ELAPOR1: variants seen among roughly 807,000 people sequenced by gnomAD.
The protein encoded by ELAPOR1 is endosome-lysosome associated apoptosis and autophagy regulator 1, also known as endosome/lysosome-associated apoptosis and autophagy regulator 1.
A neutral mutation model predicts 119.7 loss-of-function variants in ELAPOR1; 77 were observed. That is an observed-to-expected ratio of 0.64 (90% CI 0.54 to 0.78). ELAPOR1 has a LOEUF of 0.78. Ranked by LOEUF, ELAPOR1 falls within the 30% of genes least tolerant of loss-of-function variation. ELAPOR1 has a pLI of 0.00. For synonymous variants in ELAPOR1, 481 were observed against 487.2 expected (o/e 0.99, Z 0.17); for missense variants, 1,115 against 1,270.4 (o/e 0.88, Z 1.86).
At position 109,203,018 on chromosome 1, in the gene ELAPOR1, A is replaced by G; in HGVS notation, c.*6A>G. ...GCCTAGACATGGACCTGTGAGAGGC[A>G]CTGCCTGCCTCACCTGCCTCCTCAC... is the stretch of plus-strand genomic sequence containing the variant. On this transcript the variant is annotated 3_prime_UTR_variant, in exon 22 of 22. Coordinates refer to ENST00000369939, the MANE Select transcript of ELAPOR1 (RefSeq NM_020775.5). 1 of 1,601,638 alleles carries G rather than the reference A, an allele frequency of 6.2e-7. No homozygotes were observed.
intron 1 of ELAPOR1, chr1:109,161,681 C>T (rs1651268645): frequency 2.3e-6 from 1 of 436,744 alleles, no homozygotes. Context: ...AAAATGATTT[C>T]TAGGGACTAG....
chr1:109,130,721 C>T (rs1279700922), intron 1 of ELAPOR1, among the ~76,000 whole-genome samples: 1 of 152,062 alleles, frequency 6.6e-6, no homozygotes, highest in Non-Finnish European at 1.5e-5. Context: ...TCTCCTTTGG[C>T]CCAATAATGG....
chr1:109,121,896 C>T (rs759457167), intron 1 of ELAPOR1, among the ~76,000 whole-genome samples: 1 of 151,706 alleles, frequency 6.6e-6, no homozygotes, highest in Non-Finnish European at 1.5e-5. Context: ...GCCTCAGCCT[C>T]CTGAGTAGCT....
intron 1 of ELAPOR1, among the ~76,000 whole-genome samples, chr1:109,144,812 T>C (rs2101006661): frequency 6.6e-6 from 1 of 152,312 alleles, no homozygotes. Context: ...TTTCCCATTT[T>C]CTCCTAGATA....
At chr1:109,174,977 AGTGCT>A (rs1423380539) in intron 7 of ELAPOR1, among the ~76,000 whole-genome samples, 1 of 151,552 alleles carries the variant, frequency 6.6e-6, no homozygotes, top group Non-Finnish European at 1.5e-5. Flanking sequence ...AGCCTCCCAA[AGTGCT>A]GGGATTATAG....
intron 17 of ELAPOR1, 66 bp from the exon 18 acceptor site, chr1:109,198,507 C>A: frequency 7.0e-7 from 1 of 1,422,682 alleles, no homozygotes. Context: ...GCGGATTTCT[C>A]TTGGTGGCTG....
chr1:109,136,525 T>C (rs1649482421), intron 1 of ELAPOR1, among the ~76,000 whole-genome samples: 3 of 152,184 alleles, frequency 2.0e-5, no homozygotes, highest in African/African-American at 4.8e-5. Flanking sequence ...ACCCAGTCTG[T>C]GGCACTTTGT....
chr1:109,164,704 A>T lies in ELAPOR1; in HGVS notation c.467+13A>T, dbSNP rs373988606. The T allele has an allele frequency of 1.2e-5, 19 of 1,604,060 alleles. No homozygotes were observed. The African/African-American group carries it at 1.9e-4, about 16-fold the overall frequency. ...GGAACTGTACTTCGTGAGTCTGCAC[A>T]CACCCCCACCCCACCCCCAGCCCAC... On this transcript the variant is annotated intron_variant, in intron 3 of 21. Coordinates refer to ENST00000369939, the MANE Select transcript of ELAPOR1 (RefSeq NM_020775.5).
chr1:109,158,097 A>G (rs1343259869), intron 1 of ELAPOR1, among the ~76,000 whole-genome samples: 1 of 152,180 alleles, frequency 6.6e-6, no homozygotes, highest in Non-Finnish European at 1.5e-5. Context: ...CATGATGGCC[A>G]GGCTGGTCTC....
rs1463987276 is a variant in ELAPOR1 at position 109,173,795 on chromosome 1, G to A, written c.910G>A (p.Gly304Arg). 1.2e-6 allele frequency: 2 copies of A among 1,614,016 alleles called. No homozygotes were observed. Among genetic ancestry groups the A allele is most frequent in the African/African-American group, 2.7e-5 (2 of 74,904 alleles). The change falls in exon 7 of 22, where the codon GGA becomes AGA. Residue 304 changes from glycine (G) to arginine (R), a missense_variant. Transcript: ENST00000369939. Reference sequence around the variant, plus strand: ...CCCAGCCAACTCTTATTCAAATAAAGGAGAAACTTCTTGCCACCAGTGTGA... The same window carrying A: ...CCCAGCCAACTCTTATTCAAATAAAAGAGAAACTTCTTGCCACCAGTGTGA... The part of the protein sequence containing the change: ...LCPANSYSNK[G>R]ETSCHQCDPD...
chr1:109,161,782 C>T (rs1174208042), intron 1 of ELAPOR1, 112 bp from the exon 2 acceptor site: 2 of 1,340,540 alleles, frequency 1.5e-6, no homozygotes, highest in Non-Finnish European at 2.1e-6. Flanking sequence ...GTCCCAGGGC[C>T]CATTTCTGAG....
chr1:109,187,432 A>G (rs1400819651), intron 8 of ELAPOR1: 1 of 992,448 alleles, frequency 1.0e-6, no homozygotes, highest in African/African-American at 1.7e-5. Flanking sequence ...CTTGAAAAAT[A>G]TGGACAGAGG....
At chr1:109,190,651 T>A (rs1201182601) in intron 11 of ELAPOR1, among the ~76,000 whole-genome samples, 1 of 152,190 alleles carries the variant, frequency 6.6e-6, no homozygotes, top group Non-Finnish European at 1.5e-5. Context: ...GTGAGCAAAC[T>A]TTTTAGGCTT....
In ELAPOR1 at chr1:109,197,563, C is replaced by T. The variant is rs779305473; in HGVS notation, c.2211C>T (p.Tyr737=). ...ESGFSKSITA[Y]VCQAVIIPPE... ...GGTTCTCCAAATCTATCACAGCCTA[C>T]GTCTGCCAGGCAGTCATCATCCCCC... Residue 737 remains tyrosine (Y), a synonymous_variant, in exon 16 of 22, where the codon TAC becomes TAT. Coordinates refer to ENST00000369939, the MANE Select transcript of ELAPOR1 (RefSeq NM_020775.5). The T allele has an allele frequency of 8.7e-6, 14 of 1,614,060 alleles. No homozygotes were observed. Among genetic ancestry groups the T allele is most frequent in the Admixed American group, 3.3e-5 (2 of 60,008 alleles).
chr1:109,122,751 G>T (rs1648527029), intron 1 of ELAPOR1, among the ~76,000 whole-genome samples: 1 of 152,078 alleles, frequency 6.6e-6, no homozygotes. Flanking sequence ...GAGCTCAGGG[G>T]TTTGAGACCA....
At chr1:109,169,735 A>C (rs895807011) in intron 3 of ELAPOR1, among the ~76,000 whole-genome samples, 1 of 152,200 alleles carries the variant, frequency 6.6e-6, no homozygotes, top group Non-Finnish European at 1.5e-5. Context: ...CTCTTCCCTC[A>C]CATAATATTG....
chr1:109,194,484 T>A lies in ELAPOR1; in HGVS notation c.2011T>A (p.Tyr671Asn). ...SRNTPTRTFN[Y>N]NFSALANTVT... ...CAACACTCCGACCAGGACTTTCAAC[T>A]ACAACTTCTCCGCTTTGGCAAACAC... The change falls in exon 15 of 22, where the codon TAC becomes AAC. Residue 671 changes from tyrosine to asparagine, a missense_variant. Physicochemically the swap from Tyr to Asn is moderately radical, Grantham distance 143. Coordinates refer to ENST00000369939, the MANE Select transcript of ELAPOR1 (RefSeq NM_020775.5). The A allele has an allele frequency of 6.2e-7, 1 of 1,613,780 alleles. No individual in the cohort carries two copies.
chr1:109,148,620 C>G (rs1159934391), intron 1 of ELAPOR1, among the ~76,000 whole-genome samples: 1 of 152,170 alleles, frequency 6.6e-6, no homozygotes, highest in Non-Finnish European at 1.5e-5. Flanking sequence ...GTCTGTTGAA[C>G]TGGTTCTCCA....
intron 3 of ELAPOR1, among the ~76,000 whole-genome samples, chr1:109,165,748 C>CTTTTT (rs757259868): frequency 3.7e-5 from 5 of 135,420 alleles, no homozygotes; most frequent in Admixed American, 7.5e-5. Context: ...TCTTCTTCTT[C>CTTTTT]TTTTTTTTTT....
Sources: gnomAD v4.1 joint callset for allele counts (sites outside exome capture counted in the v4.1 genomes callset) on GRCh38, gnomAD v4.1.1 for gene constraint, MANE v1.5 for transcripts, NCBI Gene and HGNC (gene_info 2026-07-23, HGNC 2026-07-21) for gene names.